The following NAALADL2 variants were observed in gnomAD, a reference collection of about 807,000 sequenced individuals.
NAALADL2 encodes the protein N-acetylated alpha-linked acidic dipeptidase like 2.
A neutral mutation model predicts 87.2 loss-of-function variants in NAALADL2; 76 were observed. That is an observed-to-expected ratio of 0.87 (90% CI 0.72 to 1.05). The LOEUF is 1.05. NAALADL2 is among the 50% of genes least tolerant of loss of function. The probability of loss-of-function intolerance (pLI) is 0.00; values close to 1 mark genes in which losing one functional copy is unlikely to be tolerated. For missense variants in NAALADL2, 1,089 were observed against 945.8 expected, an observed-to-expected ratio of 1.15 and a Z score of -1.99; for synonymous variants, 354 against 331.0, an observed-to-expected ratio of 1.07 and a Z score of -0.75.
At chr3:175,540,857 C>T (rs115390260) in intron 9 of NAALADL2, among the ~76,000 whole-genome samples, 136 of 151,924 alleles carry the variant, frequency 9.0e-4, no homozygotes, top group African/African-American at 3.2e-3. Context: ...CATTTTACTT[C>T]GATAATATTA....
chr3:174,664,152 A>G (rs1725756124), intron 2 of NAALADL2, among the ~76,000 whole-genome samples: 1 of 152,196 alleles, frequency 6.6e-6, no homozygotes. Flanking sequence ...ACAAGCAAGA[A>G]GTATACCACT....
At chr3:174,474,534 G>T (rs577245126) in intron 1 of NAALADL2, among the ~76,000 whole-genome samples, 39 of 152,078 alleles carry the variant, frequency 2.6e-4, no homozygotes, top group South Asian at 8.3e-4. Flanking sequence ...GGAGTTACTT[G>T]AAAATCAGTA....
intron 9 of NAALADL2, among the ~76,000 whole-genome samples, chr3:175,492,261 C>T (rs1728209988): frequency 6.6e-6 from 1 of 152,162 alleles, no homozygotes; most frequent in African/African-American, 2.4e-5. Flanking sequence ...TGATTGGACT[C>T]AATTGCTGCT....
At chr3:175,307,273 A>G (rs1365001890) in intron 4 of NAALADL2, among the ~76,000 whole-genome samples, 1 of 152,092 alleles carries the variant, frequency 6.6e-6, no homozygotes, top group Non-Finnish European at 1.5e-5. Flanking sequence ...ACTTTGGAAT[A>G]AAAAAGGACT....
At chr3:175,459,192 G>A (rs1035111087) in intron 6 of NAALADL2, among the ~76,000 whole-genome samples, 1 of 151,882 alleles carries the variant, frequency 6.6e-6, no homozygotes, top group Non-Finnish European at 1.5e-5. Flanking sequence ...TTAAAATAAG[G>A]ATTAAAGTTA....
intron 1 of NAALADL2, among the ~76,000 whole-genome samples, chr3:174,460,007 TA>T (rs994741968): frequency 6.6e-6 from 1 of 152,124 alleles, no homozygotes; most frequent in Non-Finnish European, 1.5e-5. Context: ...AAAAGCAAGC[TA>T]AACCCAAAAC....
chr3:175,520,456 G>A (rs1045601907), intron 9 of NAALADL2, among the ~76,000 whole-genome samples: 8 of 151,464 alleles, frequency 5.3e-5, no homozygotes, highest in African/African-American at 1.7e-4. Context: ...CCGCCACCGC[G>A]CCCGGCTAAT....
intron 3 of NAALADL2, among the ~76,000 whole-genome samples, chr3:174,836,141 A>G (rs75654711): frequency 1.3e-5 from 2 of 152,208 alleles, no homozygotes; most frequent in African/African-American, 2.4e-5. Flanking sequence ...ACAGTGGAAT[A>G]CCATTCAGTC....
Position 175,364,682 on chromosome 3 carries a change from A to G in NAALADL2, c.1090+40357A>G, listed in dbSNP as rs141868872. Among the ~76,000 whole-genome samples, 669 of 147,722 alleles carry G rather than the reference A, an allele frequency of 4.5e-3. 71 individuals are homozygous for G. The highest frequency in any genetic ancestry group is 0.012 in the East Asian group (59 of 4,980). On this transcript the variant is annotated intron_variant, in intron 5 of 13. Transcript: ENST00000454872. ...TCTTGCCTAAATTAATGGAGTTCTA[A>G]TCTCCATTTTTGAAGACAAAGAGAC...
At chr3:174,903,223 T>C (rs1732520066) in intron 1 of NAALADL2, among the ~76,000 whole-genome samples, 1 of 152,144 alleles carries the variant, frequency 6.6e-6, no homozygotes, top group Non-Finnish European at 1.5e-5. Flanking sequence ...AGTATTTGAA[T>C]ACATTAGATA....
At chr3:175,020,612 TGTA>T (rs1256723834) in intron 1 of NAALADL2, among the ~76,000 whole-genome samples, 3 of 152,088 alleles carry the variant, frequency 2.0e-5, no homozygotes, top group Admixed American at 6.6e-5. Context: ...GCTTATCTAT[TGTA>T]GTGTCATCCT....
intron 5 of NAALADL2, among the ~76,000 whole-genome samples, chr3:175,438,174 C>T (rs1560550085): frequency 6.6e-6 from 1 of 151,978 alleles, no homozygotes; most frequent in African/African-American, 2.4e-5. Context: ...ATGCATAGCA[C>T]AAAGCATTTT....
In NAALADL2 at chr3:175,798,993, C is replaced by A. The variant is rs559503001; in HGVS notation, c.2190-4012C>A. Among the ~76,000 whole-genome samples, 217 of 152,016 alleles carry A rather than the reference C, an allele frequency of 1.4e-3. No individual in the cohort carries two copies. In the Middle Eastern group the frequency reaches 0.027, roughly 19 times the overall value. ...AACAGTCTAAGAATCTTTAAACATG[C>A]CCCCCATAATATACTAGTTGCAATG... On this transcript the variant is annotated intron_variant, in intron 13 of 13. Transcript: ENST00000454872.
chr3:175,010,341 A>G (rs1241773495), intron 1 of NAALADL2, among the ~76,000 whole-genome samples: 1 of 152,096 alleles, frequency 6.6e-6, no homozygotes, highest in Admixed American at 6.6e-5. Flanking sequence ...TCAAAGGGAT[A>G]AGTGTACACT....
intron 2 of NAALADL2, among the ~76,000 whole-genome samples, chr3:174,650,022 A>G (rs937464457): frequency 1.3e-5 from 2 of 151,504 alleles, no homozygotes; most frequent in Non-Finnish European, 2.9e-5. Context: ...CTATTTCAAT[A>G]TAAGTGGCAA....
intron 1 of NAALADL2, among the ~76,000 whole-genome samples, chr3:174,882,805 ATATGTGCATATGTGTATATATACACG>A: frequency 9.6e-6 from 1 of 103,962 alleles, no homozygotes; most frequent in African/African-American, 5.2e-5. Flanking sequence ...ACACGTGTGT[ATATGTGCATATGTGTATATATACACG>A]TGTGTATATG....
intron 9 of NAALADL2, among the ~76,000 whole-genome samples, chr3:175,498,151 A>T (rs1270206603): frequency 1.3e-5 from 2 of 152,132 alleles, no homozygotes; most frequent in Admixed American, 1.3e-4. Flanking sequence ...CAGAAAGGAG[A>T]AAAGAACAGA....
At chr3:174,757,687 T>G (rs1712308912) in intron 3 of NAALADL2, among the ~76,000 whole-genome samples, 1 of 151,856 alleles carries the variant, frequency 6.6e-6, no homozygotes, top group Non-Finnish European at 1.5e-5. Context: ...TTTTTTTTTG[T>G]AGAGACAGGG....
chr3:175,460,202 A>C (rs778270747), intron 6 of NAALADL2: 6 of 455,724 alleles, frequency 1.3e-5, no homozygotes, highest in Non-Finnish European at 2.2e-5. Context: ...AGTTTATTCA[A>C]GACTTTCTGA....
Sources: allele counts gnomAD v4.1 joint callset (sites outside exome capture counted in the v4.1 genomes callset), GRCh38; gene constraint gnomAD v4.1.1; transcripts MANE v1.5; gene names NCBI Gene and HGNC (gene_info 2026-07-23, HGNC 2026-07-21).